Variants in AP3D1 observed in about 807,000 individuals in gnomAD.
AP3D1 encodes AP-3 complex subunit delta-1.
A neutral mutation model predicts 147.6 loss-of-function variants in AP3D1; 51 were observed. The observed-to-expected ratio is 0.35, with a 90% CI of 0.28 to 0.44. The LOEUF is 0.44. Ranked by LOEUF, AP3D1 falls within the 20% of genes least tolerant of loss-of-function variation. AP3D1 has a pLI of 1.00. For missense variants in AP3D1, 1,421 were observed against 1,624.2 expected (o/e 0.87, Z 2.15); for synonymous variants, 760 against 663.0 (o/e 1.15, Z -2.25).
chr19:2,138,332 C>A (rs2019130722), intron 2 of AP3D1, among the ~76,000 whole-genome samples: 1 of 152,240 alleles, frequency 6.6e-6, no homozygotes, highest in South Asian at 2.1e-4. Flanking sequence ...GGAGCCGAGA[C>A]TGCAGGCGAG....
chr19:2,164,404 AC>A (rs2019828482), exon 1 of AP3D1: 1 of 511,080 alleles, frequency 2.0e-6, no homozygotes, highest in Non-Finnish European at 2.9e-6. Flanking sequence ...TCGCTGCTCC[AC>A]CCCCGTTGCT....
intron 6 of AP3D1, 84 bp downstream of exon 6, chr19:2,130,324 C>G: frequency 6.3e-7 from 1 of 1,582,610 alleles, no homozygotes; most frequent in Non-Finnish European, 8.6e-7. Flanking sequence ...CCCGCAGCAC[C>G]CCCCAAAACA....
At chr19:2,160,129 G>A (rs908684433) in intron 1 of AP3D1, among the ~76,000 whole-genome samples, 7 of 152,112 alleles carry the variant, frequency 4.6e-5, no homozygotes, top group Admixed American at 6.6e-5. Context: ...AATTACAGGC[G>A]TGAGCCACCG....
Position 2,117,154 on chromosome 19 carries a change from T to G in AP3D1, c.1859+68A>C. The G allele has an allele frequency of 2.0e-6, 3 of 1,510,128 alleles. No homozygotes were observed. The South Asian group carries it at 4.0e-5, about 20-fold the overall frequency. The allele number at this position is 1,510,128 out of a possible 1,614,324, so 93.5% of individuals were successfully genotyped here. On this transcript the variant is annotated intron_variant, in intron 16 of 31. Transcript: ENST00000643116. ...TGTTCAGGGGTGCAGGAGCCCCCGC[T>G]GTGCCACCAGGCATCAAGGGACCAT...
Position 2,127,986 on chromosome 19 carries a change from C to T in AP3D1, c.807-785G>A, listed in dbSNP as rs149829037. Among the ~76,000 whole-genome samples the T allele has an allele frequency of 1.3e-4, 20 of 152,328 alleles. No individual in the cohort carries two copies. The East Asian group carries it at 1.9e-3, about 15-fold the overall frequency. Reference sequence around the variant, plus strand: ...GAGCTTCAGCAGTGAAGTCCGTGTGCGCGTATGCTACACTGCTCACATGGT... The same window carrying T: ...GAGCTTCAGCAGTGAAGTCCGTGTGTGCGTATGCTACACTGCTCACATGGT... On this transcript the variant is annotated intron_variant, in intron 8 of 31. Coordinates refer to ENST00000643116, the MANE Select transcript of AP3D1 (RefSeq NM_001261826.3).
chr19:2,134,732 G>T (rs2145128222), intron 4 of AP3D1, among the ~76,000 whole-genome samples: 1 of 151,730 alleles, frequency 6.6e-6, no homozygotes, highest in Middle Eastern at 3.4e-3. Context: ...CTCCTGAGTA[G>T]CTGGGATTAT....
intron 4 of AP3D1, among the ~76,000 whole-genome samples, chr19:2,136,619 G>A (rs2019083020): frequency 6.6e-6 from 1 of 152,206 alleles, no homozygotes. Context: ...AAAGCCGCGG[G>A]CAGGAAGCAC....
rs2018218743 is a variant in AP3D1 at position 2,109,888 on chromosome 19, G to A, written c.3335C>T (p.Thr1112Ile). The A allele has an allele frequency of 5.0e-6, 8 of 1,613,858 alleles. No homozygotes were observed. The highest frequency in any genetic ancestry group is 6.8e-6 in the Non-Finnish European group (8 of 1,180,004). ...LHFSCSSYLITTPCYSDAFAK... is the reference protein window; with the variant it reads ...LHFSCSSYLIITPCYSDAFAK... The stretch of plus-strand genomic sequence containing the variant: ...TGGGCCCCACCTGTAGCAGGGAGTG[G>A]TGATCAAGTAGGAGCTGCAGCTGAA... The change falls in exon 29 of 32, where the codon ACC becomes ATC. Residue 1112 changes from threonine to isoleucine, a missense_variant. Physicochemically the swap from Thr to Ile is moderately conservative, Grantham distance 89 (BLOSUM62 -1). Around this residue, in one of 6 missense-constraint regions of AP3D1, gnomAD observed 791 missense variants for 761.4 expected, o/e 1.04. Coordinates refer to ENST00000643116, the MANE Select transcript of AP3D1 (RefSeq NM_001261826.3).
upstream of AP3D1, among the ~76,000 whole-genome samples, chr19:2,152,137 C>T (rs574209876): frequency 1.3e-5 from 2 of 152,292 alleles, no homozygotes; most frequent in East Asian, 3.9e-4. Context: ...AAACATTTGT[C>T]GAAGGCCCAT....
At chr19:2,161,874 AGGAGGCGCTGGTT>A (rs1200262219) in intron 1 of AP3D1, among the ~76,000 whole-genome samples, 1 of 151,810 alleles carries the variant, frequency 6.6e-6, no homozygotes, top group Non-Finnish European at 1.5e-5. Context: ...GCTGGAACCT[AGGAGGCGCTGGTT>A]GTAGTGACTG....
intron 30 of AP3D1, 113 bp from the exon 31 acceptor site, chr19:2,108,879 G>T: frequency 7.4e-7 from 1 of 1,350,572 alleles, no homozygotes; most frequent in African/African-American, 1.4e-5. Context: ...CAGGAGGCCT[G>T]TAGGAGCAGG....
At chr19:2,128,498 A>G (rs2018829994) in intron 8 of AP3D1, among the ~76,000 whole-genome samples, 2 of 114,274 alleles carry the variant, frequency 1.8e-5, no homozygotes, top group African/African-American at 7.3e-5. Flanking sequence ...CACCCCGTGG[A>G]GCCGGCCCGC....
At chr19:2,147,031 G>T (rs1487945773) in intron 1 of AP3D1, among the ~76,000 whole-genome samples, 1 of 152,192 alleles carries the variant, frequency 6.6e-6, no homozygotes, top group Non-Finnish European at 1.5e-5. Context: ...AATGACTGAC[G>T]TTATTAAAAG....
At chr19:2,150,605 T>C (rs1270778749) in intron 1 of AP3D1, among the ~76,000 whole-genome samples, 1 of 152,124 alleles carries the variant, frequency 6.6e-6, no homozygotes, top group Non-Finnish European at 1.5e-5. Context: ...CCCACCTTCC[T>C]GGGAACGGGG....
upstream of AP3D1, among the ~76,000 whole-genome samples, chr19:2,155,194 A>C (rs191961268): frequency 6.6e-6 from 1 of 150,852 alleles, no homozygotes; most frequent in Admixed American, 6.6e-5. Context: ...AAATGAAAAT[A>C]AAAATAAAAA....
chr19:2,145,048 C>G (rs1406531950), intron 1 of AP3D1, among the ~76,000 whole-genome samples: 1 of 152,198 alleles, frequency 6.6e-6, no homozygotes, highest in Non-Finnish European at 1.5e-5. Flanking sequence ...ATACTGAAAT[C>G]TACTTCATTT....
chr19:2,143,675 G>T (rs1368483550), intron 1 of AP3D1, among the ~76,000 whole-genome samples: 1 of 152,156 alleles, frequency 6.6e-6, no homozygotes, highest in Admixed American at 6.6e-5. Flanking sequence ...GTTGAGGTAA[G>T]AGGATTGATT....
chr19:2,101,921 G>A lies in AP3D1; in HGVS notation c.*252C>T. The stretch of plus-strand genomic sequence containing the variant: ...GGGCAGGGCACAGACCCAGGTGGGG[G>A]AGTCCCTTGCTGGTTTGGGGGCGAG... On this transcript the variant is annotated 3_prime_UTR_variant, in exon 32 of 32. Transcript: ENST00000643116. 1 of 493,760 alleles carries A rather than the reference G, an allele frequency of 2.0e-6. No individual in the cohort carries two copies. Among genetic ancestry groups the A allele is most frequent in the African/African-American group, 2.0e-5 (1 of 50,408 alleles). 30.6% of individuals were successfully genotyped at this position (493,760 alleles called of 1,614,324 possible). A position where few individuals can be genotyped will look rare whatever the true frequency, so the allele number is the denominator to read the frequency against.
At position 2,116,610 on chromosome 19, in the gene AP3D1, C is replaced by G; in HGVS notation, c.1996G>C (p.Ala666Pro). 2 of 1,592,430 alleles carry G rather than the reference C, an allele frequency of 1.3e-6. No individual in the cohort carries two copies. ...RPSEADEEEL[A>P]RRREARKQEQ... ...AGGGGCAGCCAGCAGCTCACCCGAGCCAGCTCTTCCTCGTCCGCCTCCGAC... is the reference window on the plus strand; with the variant it reads ...AGGGGCAGCCAGCAGCTCACCCGAGGCAGCTCTTCCTCGTCCGCCTCCGAC... The change falls in exon 17 of 32, where the codon GCT becomes CCT. Residue 666 changes from alanine (A) to proline (P), a missense_variant. Around this residue, in one of 6 missense-constraint regions of AP3D1, gnomAD observed 791 missense variants for 761.4 expected, o/e 1.04. Coordinates refer to ENST00000643116, the MANE Select transcript of AP3D1 (RefSeq NM_001261826.3).
Sources: gnomAD v4.1 joint callset for allele counts (sites outside exome capture counted in the v4.1 genomes callset) on GRCh38, gnomAD v4.1.1 for gene constraint, gnomAD v4.1.1 regional missense constraint, MANE v1.5 for transcripts, NCBI Gene and HGNC (gene_info 2026-07-23, HGNC 2026-07-21) for gene names.